Variants in ANKHD1 observed in about 807,000 individuals in gnomAD.
The protein encoded by ANKHD1 is ankyrin repeat and KH domain containing 1, also known as ankyrin repeat and KH domain-containing protein 1.
Under a neutral mutation model 230.5 loss-of-function variants are expected in ANKHD1, and 31 were observed. That is an observed-to-expected ratio of 0.13 (90% CI 0.10 to 0.18). ANKHD1 has a LOEUF of 0.18. Ranked by LOEUF, ANKHD1 falls within the 10% of genes least tolerant of loss-of-function variation. The pLI is 1.00. For synonymous variants in ANKHD1, 1,074 were observed against 1,117.6 expected, an observed-to-expected ratio of 0.96 and a Z score of 0.78; for missense variants, 2,256 against 3,071.3, an observed-to-expected ratio of 0.73 and a Z score of 6.27.
intron 22 of ANKHD1, 45 bp from the exon 23 acceptor site, chr5:140,512,783 T>G (rs1187239263): frequency 2.7e-6 from 4 of 1,497,190 alleles, no homozygotes; most frequent in Middle Eastern, 2.2e-4. Context: ...AATAATAATT[T>G]TTCTTTTCAT....
chr5:140,479,398 C>T (rs1751142394), intron 10 of ANKHD1, among the ~76,000 whole-genome samples: 3 of 152,072 alleles, frequency 2.0e-5, no homozygotes, highest in South Asian at 4.1e-4. Flanking sequence ...AAATAATTTT[C>T]TGCGTTTATG....
chr5:140,513,841 G>A (rs951200734), intron 24 of ANKHD1, among the ~76,000 whole-genome samples: 3 of 150,816 alleles, frequency 2.0e-5, no homozygotes, highest in African/African-American at 7.3e-5. Context: ...ATTATTGAGG[G>A]TGGGCGTGGT....
At chr5:140,505,318 C>G in intron 17 of ANKHD1, 85 bp downstream of exon 17, 1 of 1,409,974 alleles carries the variant, frequency 7.1e-7, no homozygotes, top group Non-Finnish European at 9.8e-7. Context: ...AGTTCCTAGA[C>G]TATCTCAGTG....
intron 24 of ANKHD1, among the ~76,000 whole-genome samples, chr5:140,521,417 T>C (rs1753343734): frequency 6.7e-6 from 1 of 150,136 alleles, no homozygotes; most frequent in Non-Finnish European, 1.5e-5. Flanking sequence ...GGAGGATCAC[T>C]TGAGACCAGC....
At chr5:140,432,473 TGATG>T (rs1773121737) in intron 1 of ANKHD1, among the ~76,000 whole-genome samples, 1 of 152,254 alleles carries the variant, frequency 6.6e-6, no homozygotes, top group East Asian at 1.9e-4. Context: ...ATTCATCTAC[TGATG>T]GACATTTGGG....
intron 7 of ANKHD1, among the ~76,000 whole-genome samples, chr5:140,458,094 A>G (rs955990044): frequency 4.6e-5 from 7 of 152,200 alleles, no homozygotes; most frequent in East Asian, 3.8e-4. Flanking sequence ...GATGGTGTCA[A>G]TCCAGAGACA....
chr5:140,512,686 C>T, intron 22 of ANKHD1, 142 bp from the exon 23 acceptor site: 1 of 599,614 alleles, frequency 1.7e-6, no homozygotes, highest in East Asian at 3.5e-5. Context: ...GAAGTATTTG[C>T]CTTTTTATTC....
At chr5:140,434,677 C>CT (rs1179063402) in intron 1 of ANKHD1, among the ~76,000 whole-genome samples, 1 of 150,970 alleles carries the variant, frequency 6.6e-6, no homozygotes, top group East Asian at 1.9e-4. Flanking sequence ...GCTTCAAAAA[C>CT]TTTTTTTTTA....
chr5:140,451,381 G>A (rs919375752), intron 7 of ANKHD1, among the ~76,000 whole-genome samples: 2 of 152,074 alleles, frequency 1.3e-5, no homozygotes, highest in African/African-American at 4.8e-5. Flanking sequence ...TGAAGTATTA[G>A]TAAAACTGAA....
At chr5:140,488,569 A>G (rs1324082657) in intron 14 of ANKHD1, among the ~76,000 whole-genome samples, 1 of 149,356 alleles carries the variant, frequency 6.7e-6, no homozygotes, top group Non-Finnish European at 1.5e-5. Flanking sequence ...CTGGGCGACA[A>G]GAGCAAAACT....
chr5:140,496,457 T>G, intron 14 of ANKHD1, 63 bp from the exon 15 acceptor site: 1 of 1,167,310 alleles, frequency 8.6e-7, no homozygotes. Flanking sequence ...TTTTTTTTTC[T>G]TTTCTTTTTT....
chr5:140,533,595 T>G (rs928314811), intron 29 of ANKHD1, among the ~76,000 whole-genome samples: 2 of 151,674 alleles, frequency 1.3e-5, no homozygotes, highest in African/African-American at 4.8e-5. Flanking sequence ...CGAGACACCC[T>G]CTCAAGAAAA....
At chr5:140,478,463 T>A (rs975474762) in intron 10 of ANKHD1, among the ~76,000 whole-genome samples, 2 of 151,498 alleles carry the variant, frequency 1.3e-5, no homozygotes, top group Non-Finnish European at 2.9e-5. Flanking sequence ...AATCAATAAA[T>A]GTGAATGCTC....
At chr5:140,450,048 C>T (rs954816558) in intron 7 of ANKHD1, among the ~76,000 whole-genome samples, 1 of 152,080 alleles carries the variant, frequency 6.6e-6, no homozygotes, top group African/African-American at 2.4e-5. Context: ...TCTGTAAGCA[C>T]ATATATATCA....
chr5:140,477,767 G>A (rs1171234086), intron 10 of ANKHD1, among the ~76,000 whole-genome samples: 2 of 152,002 alleles, frequency 1.3e-5, no homozygotes, highest in South Asian at 2.1e-4. Context: ...ACCTGCCTCC[G>A]CGCCTGGGTA....
chr5:140,436,732 C>A (rs981396682), intron 2 of ANKHD1, among the ~76,000 whole-genome samples: 7 of 145,060 alleles, frequency 4.8e-5, no homozygotes, highest in African/African-American at 1.8e-4. Context: ...GGCAACAGAG[C>A]GAGACTCCGT....
intron 20 of ANKHD1, 82 bp from the exon 21 acceptor site, chr5:140,509,555 A>C (rs1044393074): frequency 8.9e-5 from 125 of 1,400,764 alleles, no homozygotes; most frequent in Non-Finnish European, 1.1e-4. Context: ...GTTTTTAAAG[A>C]AATTATGTAG....
chr5:140,436,153 AAAC>A lies in ANKHD1; in HGVS notation c.361_363del (p.Thr121del), dbSNP rs748212850. On this transcript the variant is annotated inframe_deletion, in exon 2 of 34. Transcript: ENST00000360839. ...GAAGATCTGGATAACCCAGTGCTTA[AAAC>A]AACATCAGAGATATTCTTATCAAGT... 8 of 1,603,950 alleles carry A rather than the reference AAAC, an allele frequency of 5.0e-6. No individual in the cohort carries two copies. In the East Asian group the frequency reaches 6.8e-5, roughly 14 times the overall value.
chr5:140,493,037 C>A (rs1335926087), intron 14 of ANKHD1, among the ~76,000 whole-genome samples: 1 of 152,058 alleles, frequency 6.6e-6, no homozygotes, highest in African/African-American at 2.4e-5. Flanking sequence ...AGAAACCAAA[C>A]CAAAAAGATG....
Sources: gnomAD v4.1 joint callset for allele counts (sites outside exome capture counted in the v4.1 genomes callset) on GRCh38, gnomAD v4.1.1 for gene constraint, MANE v1.5 for transcripts, NCBI Gene and HGNC (gene_info 2026-07-23, HGNC 2026-07-21) for gene names.